The following ROBO1 variants were observed in gnomAD, a reference collection of about 807,000 sequenced individuals.
ROBO1 encodes the protein roundabout homolog 1.
A neutral mutation model predicts 195.9 loss-of-function variants in ROBO1; 149 were observed. The ratio of observed to expected loss-of-function variants is 0.76; its 90% CI spans 0.67 to 0.87. The LOEUF (loss-of-function observed/expected upper bound fraction) is 0.87. Ranked by LOEUF, ROBO1 falls within the 40% of genes least tolerant of loss-of-function variation. The probability of loss-of-function intolerance (pLI) is 0.00; values close to 1 mark genes in which losing one functional copy is unlikely to be tolerated. For missense variants in ROBO1, 1,933 were observed against 2,068.3 expected, an observed-to-expected ratio of 0.93 and a Z score of 1.27; for synonymous variants, 816 against 733.2, an observed-to-expected ratio of 1.11 and a Z score of -1.82.
chr3:79,528,013 T>C (rs1254635600), intron 2 of ROBO1: 1 of 152,270 alleles, frequency 6.6e-6, no homozygotes, highest in Non-Finnish European at 1.5e-5. Flanking sequence ...TGCCATTTTC[T>C]GAATGTGAGA....
At chr3:79,126,684 G>C (rs1257729688) in intron 2 of ROBO1, among the ~76,000 whole-genome samples, 1 of 152,182 alleles carries the variant, frequency 6.6e-6, no homozygotes, top group Non-Finnish European at 1.5e-5. Flanking sequence ...AGGATTTCTT[G>C]TTCTGAGCAG....
chr3:78,699,560 C>T (rs1198722555), intron 8 of ROBO1, among the ~76,000 whole-genome samples: 1 of 150,550 alleles, frequency 6.6e-6, no homozygotes, highest in Non-Finnish European at 1.5e-5. Flanking sequence ...CAGGGCAAGA[C>T]TCCATCTCCA....
chr3:78,721,683 T>C (rs1244404103), intron 5 of ROBO1, among the ~76,000 whole-genome samples: 1 of 152,142 alleles, frequency 6.6e-6, no homozygotes, highest in South Asian at 2.1e-4. Context: ...TTCAAATACA[T>C]AGAAAAATTG....
chr3:78,833,878 T>C (rs962313300), intron 4 of ROBO1, among the ~76,000 whole-genome samples: 4 of 152,222 alleles, frequency 2.6e-5, no homozygotes, highest in Admixed American at 6.5e-5. Flanking sequence ...AGGAGGAATA[T>C]TCAGAGTAAA....
intron 4 of ROBO1, among the ~76,000 whole-genome samples, chr3:78,764,761 T>C (rs2083187154): frequency 6.6e-6 from 1 of 152,172 alleles, no homozygotes; most frequent in East Asian, 1.9e-4. Flanking sequence ...AGGAATTTTA[T>C]TCTCAGGCTC....
At chr3:79,579,076 T>C (rs115833737) in intron 2 of ROBO1, among the ~76,000 whole-genome samples, 3,314 of 152,300 alleles carry the variant, frequency 0.022, 60 homozygotes, top group Middle Eastern at 0.044. Flanking sequence ...TTATATTAGA[T>C]GGCATCTTGC....
intron 3 of ROBO1, among the ~76,000 whole-genome samples, chr3:79,107,123 T>TCACA (rs1214242019): frequency 7.1e-6 from 1 of 140,058 alleles, no homozygotes; most frequent in South Asian, 2.3e-4. Context: ...TCTCTCTCTC[T>TCACA]CTCTCACACA....
At chr3:79,472,296 C>G (rs1012443292) in intron 2 of ROBO1, among the ~76,000 whole-genome samples, 1 of 152,032 alleles carries the variant, frequency 6.6e-6, no homozygotes, top group Non-Finnish European at 1.5e-5. Flanking sequence ...ATTAGAAATT[C>G]AGAGGGGGCC....
In ROBO1 at chr3:79,725,359, T is replaced by C. The variant is rs569188956; in HGVS notation, c.-51+42393A>G. Among the ~76,000 whole-genome samples, 19 of 151,178 alleles carry C rather than the reference T, an allele frequency of 1.3e-4. No homozygotes were observed. In the South Asian group the frequency reaches 4.0e-3, roughly 32 times the overall value. On this transcript the variant is annotated intron_variant, in intron 1 of 30. Coordinates refer to ENST00000464233, the MANE Select transcript of ROBO1 (RefSeq NM_002941.4). ...CTCCTGCCTCAGCCTCCCGAGTAGC[T>C]GGGACTACAGGCGCCCGCCACCACG...
At chr3:79,357,793 A>G (rs2035615048) in intron 2 of ROBO1, among the ~76,000 whole-genome samples, 1 of 152,146 alleles carries the variant, frequency 6.6e-6, no homozygotes, top group Admixed American at 6.5e-5. Flanking sequence ...TCTAGCACTA[A>G]CCTTCTCTAG....
chr3:78,865,416 G>A (rs984289090), intron 4 of ROBO1, among the ~76,000 whole-genome samples: 13 of 148,898 alleles, frequency 8.7e-5, no homozygotes, highest in African/African-American at 2.2e-4. Flanking sequence ...ACATAAATCT[G>A]TTGTTCTAGT....
rs2035151908 is a variant in ROBO1 at position 78,865,994 on chromosome 3, A to G, written c.499+72607T>C. On this transcript the variant is annotated intron_variant, in intron 4 of 30. Coordinates refer to ENST00000464233, the MANE Select transcript of ROBO1 (RefSeq NM_002941.4). ...TAGATCTCCTAATATCTGTATCAAT[A>G]TCTATATGTAACAGATGGATTCAGC... 2.0e-5 allele frequency among the ~76,000 whole-genome samples: 3 copies of G among 152,300 alleles called. No homozygotes were observed. In the South Asian group the frequency reaches 6.2e-4, roughly 32 times the overall value.
intron 1 of ROBO1, among the ~76,000 whole-genome samples, chr3:79,607,438 A>G: frequency 6.6e-6 from 1 of 151,816 alleles, no homozygotes; most frequent in East Asian, 1.9e-4. Context: ...AAACTCAGAG[A>G]AAGACATAAG....
intron 1 of ROBO1, among the ~76,000 whole-genome samples, chr3:79,727,882 T>G (rs764840336): frequency 1.3e-5 from 2 of 152,140 alleles, no homozygotes; most frequent in Admixed American, 6.5e-5. Context: ...ATAGTACCTA[T>G]ACAATTTAGT....
At chr3:79,581,668 G>A (rs1341954650) in intron 2 of ROBO1, among the ~76,000 whole-genome samples, 1 of 152,004 alleles carries the variant, frequency 6.6e-6, no homozygotes, top group African/African-American at 2.4e-5. Flanking sequence ...CTCTTTCAAG[G>A]CTTGCCACTT....
intron 4 of ROBO1, among the ~76,000 whole-genome samples, chr3:78,811,235 T>G (rs896257159): frequency 1.3e-5 from 2 of 152,240 alleles, no homozygotes; most frequent in African/African-American, 2.4e-5. Flanking sequence ...ATTTCAATTT[T>G]GTTTCTAAAA....
intron 1 of ROBO1, among the ~76,000 whole-genome samples, chr3:79,630,143 T>C (rs546678913): frequency 1.3e-5 from 2 of 152,098 alleles, no homozygotes; most frequent in South Asian, 4.1e-4. Flanking sequence ...ATTCATTCTA[T>C]GGAACTAGTA....
At chr3:79,753,126 T>G (rs1366095414) in intron 1 of ROBO1, among the ~76,000 whole-genome samples, 1 of 152,034 alleles carries the variant, frequency 6.6e-6, no homozygotes, top group Non-Finnish European at 1.5e-5. Flanking sequence ...GCTAGAAAAA[T>G]AAATACACTT....
chr3:79,226,246 T>G (rs2082224979), intron 2 of ROBO1, among the ~76,000 whole-genome samples: 1 of 152,142 alleles, frequency 6.6e-6, no homozygotes, highest in Non-Finnish European at 1.5e-5. Flanking sequence ...ATAAATTACC[T>G]GCTTTCTTTA....
Sources: allele counts gnomAD v4.1 joint callset (sites outside exome capture counted in the v4.1 genomes callset), GRCh38; gene constraint gnomAD v4.1.1; transcripts MANE v1.5; gene names NCBI Gene and HGNC (gene_info 2026-07-23, HGNC 2026-07-21).